The following RASSF3 variants were observed in gnomAD, a reference collection of about 807,000 sequenced individuals.
The protein encoded by RASSF3 is Ras association domain family member 3, also known as ras association domain-containing protein 3.
Under a neutral mutation model 19.9 loss-of-function variants are expected in RASSF3, and 19 were observed. The ratio of observed to expected loss-of-function variants is 0.96; its 90% CI spans 0.67 to 1.40. The LOEUF is 1.40. RASSF3 is among the 40% of genes most tolerant of loss of function. RASSF3 has a pLI of 0.00. For synonymous variants in RASSF3, 110 were observed against 104.2 expected, an observed-to-expected ratio of 1.06 and a Z score of -0.34; for missense variants, 306 against 289.8, an observed-to-expected ratio of 1.06 and a Z score of -0.41.
In RASSF3 at chr12:64,610,662, G is replaced by A; in HGVS notation, c.30G>A (p.Glu10=). The A allele has an allele frequency of 6.3e-7, 1 of 1,589,430 alleles. No individual in the cohort carries two copies. The highest frequency in any genetic ancestry group is 8.5e-7 in the Non-Finnish European group (1 of 1,170,156). MSSGYSSLE[E]DAEDFFFTAR... is the part of the protein sequence containing the mutation. ...GCAGCGGCTACAGCAGCCTGGAGGA[G>A]GACGCCGAGGACTTCTTCTTCACCG... Residue 10 remains glutamate (E), a synonymous_variant, in exon 1 of 5, where the codon GAG becomes GAA. Transcript: ENST00000542104.
intron 1 of RASSF3, among the ~76,000 whole-genome samples, chr12:64,621,277 T>G (rs1306749912): frequency 2.0e-5 from 3 of 152,200 alleles, no homozygotes; most frequent in African/African-American, 7.2e-5. Flanking sequence ...TTTTAAATAC[T>G]TCTGAGTAAA....
intron 3 of RASSF3, among the ~76,000 whole-genome samples, chr12:64,689,541 A>G (rs77744928): frequency 1.3e-5 from 2 of 152,174 alleles, no homozygotes; most frequent in African/African-American, 4.8e-5. Context: ...TGGAAGTGCC[A>G]CAATAATGTA....
downstream of RASSF3, chr12:64,541,791 G>A (rs893059442): frequency 7.6e-6 from 3 of 396,870 alleles, no homozygotes; most frequent in East Asian, 7.1e-5. Flanking sequence ...TTATCTCCAT[G>A]GCTTACGTAT....
chr12:64,513,806 G>T (rs1868343207), intron 1 of RASSF3, among the ~76,000 whole-genome samples: 1 of 152,160 alleles, frequency 6.6e-6, no homozygotes, highest in Admixed American at 6.6e-5. Flanking sequence ...GAGGAACCGT[G>T]CAGTATCTCA....
At chr12:64,548,495 T>C (rs1869106809) in intron 2 of RASSF3, among the ~76,000 whole-genome samples, 1 of 152,162 alleles carries the variant, frequency 6.6e-6, no homozygotes, top group South Asian at 2.1e-4. Context: ...TGGCCAACAA[T>C]TTTACTTCTT....
chr12:64,516,625 A>C (rs1868371836), intron 1 of RASSF3, among the ~76,000 whole-genome samples: 1 of 151,452 alleles, frequency 6.6e-6, no homozygotes, highest in Non-Finnish European at 1.5e-5. Flanking sequence ...TCTCAAAAAA[A>C]AAAAAAAAGA....
intron 2 of RASSF3, among the ~76,000 whole-genome samples, chr12:64,574,451 C>A (rs1869566270): frequency 6.6e-6 from 1 of 152,072 alleles, no homozygotes; most frequent in South Asian, 2.1e-4. Flanking sequence ...ACTTCTTTGC[C>A]CCTCCTGTTT....
At chr12:64,608,106 G>T (rs183180292), upstream of RASSF3, among the ~76,000 whole-genome samples, 5 of 151,614 alleles carry the variant, frequency 3.3e-5, no homozygotes, top group East Asian at 9.7e-4. Flanking sequence ...TTTTTTTAGA[G>T]AAAAGGTCTC....
chr12:64,604,690 T>A (rs1267321997), intron 2 of RASSF3, among the ~76,000 whole-genome samples: 1 of 151,402 alleles, frequency 6.6e-6, no homozygotes, highest in East Asian at 2.0e-4. Flanking sequence ...CAGGCTGGAG[T>A]GCAGTGGCGC....
At chr12:64,679,833 T>A (rs891190730) in intron 1 of RASSF3, among the ~76,000 whole-genome samples, 1 of 152,146 alleles carries the variant, frequency 6.6e-6, no homozygotes, top group South Asian at 2.1e-4. Flanking sequence ...AAAAGATGAC[T>A]TGTAACTCAC....
At chr12:64,603,353 G>C (rs924039233) in intron 2 of RASSF3, among the ~76,000 whole-genome samples, 2 of 152,148 alleles carry the variant, frequency 1.3e-5, no homozygotes, top group African/African-American at 4.8e-5. Flanking sequence ...TCACAGTAAT[G>C]AGGAAATGCA....
intron 2 of RASSF3, among the ~76,000 whole-genome samples, chr12:64,595,019 C>T (rs1003059704): frequency 6.8e-6 from 1 of 148,078 alleles, no homozygotes; most frequent in African/African-American, 2.5e-5. Flanking sequence ...ACTACATACA[C>T]ACAAACACAA....
At chr12:64,689,908 C>T (rs1000717975) in intron 3 of RASSF3, among the ~76,000 whole-genome samples, 2 of 150,330 alleles carry the variant, frequency 1.3e-5, no homozygotes, top group African/African-American at 4.9e-5. Context: ...CTGCCTCAGC[C>T]TCCCGAGTAG....
chr12:64,549,685 A>G (rs1869123674), intron 2 of RASSF3, among the ~76,000 whole-genome samples: 2 of 152,184 alleles, frequency 1.3e-5, no homozygotes, highest in Non-Finnish European at 2.9e-5. Flanking sequence ...GGCGGCCAGC[A>G]GCCAGCACAG....
intron 1 of RASSF3, among the ~76,000 whole-genome samples, chr12:64,625,450 T>TA (rs1870954197): frequency 1.3e-5 from 2 of 152,044 alleles, no homozygotes; most frequent in South Asian, 4.1e-4. Flanking sequence ...GTACACTTTT[T>TA]TTTTTTTTTA....
chr12:64,576,850 CAA>C (rs56963418), intron 2 of RASSF3, among the ~76,000 whole-genome samples: 5,810 of 85,470 alleles, frequency 0.068, 115 homozygotes, highest in East Asian at 0.091. Context: ...GACCCTGTCT[CAA>C]AAAAAAAAAA....
At chr12:64,679,619 C>G (rs185973147) in intron 1 of RASSF3, among the ~76,000 whole-genome samples, 47 of 152,048 alleles carry the variant, frequency 3.1e-4, no homozygotes, top group African/African-American at 1.1e-3. Flanking sequence ...TGGGTGTGTC[C>G]CATCTGAGAA....
exon 1 of RASSF3, chr12:64,533,279 G>T (rs540254873): frequency 6.6e-6 from 1 of 152,364 alleles, no homozygotes; most frequent in South Asian, 2.1e-4. Flanking sequence ...TGGGAACTGC[G>T]ATTTATAAGC....
chr12:64,625,009 T>A (rs1870936916), intron 1 of RASSF3, among the ~76,000 whole-genome samples: 1 of 152,046 alleles, frequency 6.6e-6, no homozygotes, highest in Admixed American at 6.6e-5. Flanking sequence ...TGTGATTATA[T>A]GCCCCTTTTC....
Sources: allele counts gnomAD v4.1 joint callset (sites outside exome capture counted in the v4.1 genomes callset), GRCh38; gene constraint gnomAD v4.1.1; transcripts MANE v1.5; gene names NCBI Gene and HGNC (gene_info 2026-07-23, HGNC 2026-07-21).